MAFG: variants seen among roughly 807,000 people sequenced by gnomAD.
MAFG encodes the protein MAF bZIP transcription factor G, also known as transcription factor MafG.
A neutral mutation model predicts 12.2 loss-of-function variants in MAFG; 3 were observed. That is an observed-to-expected ratio of 0.25 (90% CI 0.11 to 0.64). The LOEUF is 0.64. MAFG is among the 30% of genes least tolerant of loss of function. The probability of loss-of-function intolerance (pLI) is 0.85; values close to 1 mark genes in which losing one functional copy is unlikely to be tolerated. For synonymous variants in MAFG, 126 were observed against 109.1 expected (o/e 1.15, Z -0.96); for missense variants, 153 against 235.5 (o/e 0.65, Z 2.29).
chr17:81,929,031 G>A (rs2040964385), upstream of MAFG, among the ~76,000 whole-genome samples: 1 of 152,198 alleles, frequency 6.6e-6, no homozygotes, highest in South Asian at 2.1e-4. This position sits in a 1 kb window ranked among gnomAD's most constrained non-coding sequence, Gnocchi z 5.7. Context: ...GAGCCACGGT[G>A]CCGTCAGGAG....
chr17:81,923,727 G>A (rs916592307), intron 1 of MAFG, among the ~76,000 whole-genome samples: 2 of 152,052 alleles, frequency 1.3e-5, no homozygotes, highest in South Asian at 2.1e-4. Flanking sequence ...GCAGGTGAGG[G>A]CCAGCCAGTG....
At position 81,922,753 on chromosome 17, in the gene MAFG, A is replaced by G; in HGVS notation, c.341T>C (p.Leu114Pro). The change falls in exon 3 of 3, where the codon CTG becomes CCG. Residue 114 changes from leucine to proline, a missense_variant. This residue lies in a region of MAFG where 81 missense variants were observed against 94.7 expected (regional missense o/e 0.86). Coordinates refer to ENST00000357736, the MANE Select transcript of MAFG (RefSeq NM_002359.4). ...GGCCACCGTCCGGGCGAAGGTCTGC[A>G]GCGCCTCGTACTTGGAGCGCAGCGC... Reference protein sequence around the residue: ...LDALRSKYEALQTFARTVARS... With the variant: ...LDALRSKYEAPQTFARTVARS... 6.3e-7 allele frequency: 1 copy of G among 1,589,614 alleles called. No individual in the cohort carries two copies.
chr17:81,921,750 C>CAT lies in MAFG; in HGVS notation c.*853_*854dup, dbSNP rs2040891771. The CAT allele has an allele frequency of 6.7e-6, 1 of 149,060 alleles. No homozygotes were observed. Among genetic ancestry groups the CAT allele is most frequent in the African/African-American group, 2.5e-5 (1 of 40,286 alleles). The allele number at this position is 149,060 out of a possible 1,614,324, so 9.2% of individuals were successfully genotyped here. ...ATTATACTTTCTTCCCTTTTCCATTCATATGGTCAAATGGTCTTCTTGCTT... is the reference window on the plus strand; with the variant it reads ...ATTATACTTTCTTCCCTTTTCCATTCATATATGGTCAAATGGTCTTCTTGCTT... On this transcript the variant is annotated 3_prime_UTR_variant, in exon 3 of 3. Coordinates refer to ENST00000357736, the MANE Select transcript of MAFG (RefSeq NM_002359.4).
intron 1 of MAFG, chr17:81,923,556 C>T (rs770677818): frequency 1.5e-5 from 3 of 201,786 alleles, no homozygotes; most frequent in Admixed American, 5.7e-5. Flanking sequence ...AGAAGGAAGC[C>T]GGGAGCTTTA....
chr17:81,930,638 T>C (rs2040977706), upstream of MAFG: 1 of 152,052 alleles, frequency 6.6e-6, no homozygotes, highest in Non-Finnish European at 1.5e-5. The surrounding 1 kb of genome is among the most constrained non-coding windows in gnomAD (Gnocchi z 4.1). Flanking sequence ...CACTCCAGCC[T>C]GGGCGACAGA....
At position 81,922,517 on chromosome 17, in the gene MAFG, A is replaced by C; in HGVS notation, c.*88T>G. On this transcript the variant is annotated 3_prime_UTR_variant, in exon 3 of 3. Coordinates refer to ENST00000357736, the MANE Select transcript of MAFG (RefSeq NM_002359.4). The stretch of plus-strand genomic sequence containing the variant: ...AGGGTGGGGAAGAGAGGGAGGAAAG[A>C]GAAGAGAAGGAAACAGAGGGACAGG... 1 of 1,041,536 alleles carries C rather than the reference A, an allele frequency of 9.6e-7. No homozygotes were observed. The highest frequency in any genetic ancestry group is 3.7e-5 in the Admixed American group (1 of 26,738). 64.5% of individuals were successfully genotyped at this position (1,041,536 alleles called of 1,614,324 possible).
Position 81,923,162 on chromosome 17 carries a change from G to A in MAFG, c.24C>T (p.Asn8=), listed in dbSNP as rs1390024566. Residue 8 remains asparagine, a synonymous_variant, in exon 2 of 3, where the codon AAC becomes AAT. Transcript: ENST00000357736. ...CCTGCCCACTCACCTTCAAGGCCTT[G>A]TTTCCTTTATTGGGGGTCGTCATAA... MTTPNKG[N]KALKVKREPG... The A allele has an allele frequency of 1.2e-6, 2 of 1,608,358 alleles. No individual in the cohort carries two copies. Among genetic ancestry groups the A allele is most frequent in the South Asian group, 1.1e-5 (1 of 90,788 alleles).
intron 2 of MAFG, 28 bp from the exon 3 acceptor site, chr17:81,923,085 C>T: frequency 6.2e-7 from 1 of 1,608,830 alleles, no homozygotes; most frequent in Non-Finnish European, 8.5e-7. Context: ...TGGTCACAGG[C>T]CAAGCGGGCA....
intron 1 of MAFG, chr17:81,923,452 G>A (rs1189910386): frequency 2.4e-6 from 1 of 423,960 alleles, no homozygotes; most frequent in Admixed American, 4.0e-5. Flanking sequence ...AAGGTCTGAC[G>A]GGAGAAGGGG....
Position 81,921,192 on chromosome 17 carries a change from G to A in MAFG, c.*1413C>T, listed in dbSNP as rs564540795. ...AGATGTAGCCAAGGCTCAGTGGAGG[G>A]GGGCATGACAGAACCCCATGTCTCA... is the stretch of plus-strand genomic sequence containing the variant. On this transcript the variant is annotated 3_prime_UTR_variant, in exon 3 of 3. Coordinates refer to ENST00000357736, the MANE Select transcript of MAFG (RefSeq NM_002359.4). The A allele has an allele frequency of 6.6e-6, 1 of 152,324 alleles. No homozygotes were observed. The highest frequency in any genetic ancestry group is 2.4e-5 in the African/African-American group (1 of 41,540). The allele number at this position is 152,324 out of a possible 1,614,324, so 9.4% of individuals were successfully genotyped here. A position where few individuals can be genotyped will look rare whatever the true frequency, so the allele number is the denominator to read the frequency against.
At chr17:81,927,496 CCG>C (rs2040951491) in intron 1 of MAFG, 30 bp downstream of exon 1, 2 of 146,776 alleles carry the variant, frequency 1.4e-5, no homozygotes. Context: ...GCCGCCCCCA[CCG>C]CCCGGGCCCG....
At position 81,922,429 on chromosome 17, in the gene MAFG, G is replaced by GTGT; in HGVS notation, c.*175_*176insACA. The GTGT allele has an allele frequency of 1.2e-5, 6 of 495,380 alleles. No homozygotes were observed. Among genetic ancestry groups the GTGT allele is most frequent in the Admixed American group, 7.9e-5 (2 of 25,282 alleles). The allele number at this position is 495,380 out of a possible 1,614,324, so 30.7% of individuals were successfully genotyped here. A position where few individuals can be genotyped will look rare whatever the true frequency, so the allele number is the denominator to read the frequency against. On this transcript the variant is annotated 3_prime_UTR_variant, in exon 3 of 3. Coordinates refer to ENST00000357736, the MANE Select transcript of MAFG (RefSeq NM_002359.4). Reference sequence around the variant, plus strand: ...ATACAAAACACACGACGACAATGACGAGATCAAAGGGGCTCAGCCCGGCGC... The same window carrying GTGT: ...ATACAAAACACACGACGACAATGACGTGTAGATCAAAGGGGCTCAGCCCGGCGC...
chr17:81,928,556 C>T (rs960238612), upstream of MAFG: 1 of 152,240 alleles, frequency 6.6e-6, no homozygotes, highest in African/African-American at 2.4e-5. The surrounding 1 kb of genome is among the most constrained non-coding windows in gnomAD (Gnocchi z 8.1). Flanking sequence ...TCAGAAGCGT[C>T]CCTCCGCCTG....
In MAFG at chr17:81,927,726, G is replaced by A. The variant is rs1311186094; in HGVS notation, c.-228C>T. On this transcript the variant is annotated 5_prime_UTR_variant, in exon 1 of 3. Coordinates refer to ENST00000357736, the MANE Select transcript of MAFG (RefSeq NM_002359.4). ...CCGCCGCCGCCGCCGCCGCTCCACA[G>A]ACGTCACATGATGTTTGGTCACGTG... 1 of 152,652 alleles carries A rather than the reference G, an allele frequency of 6.6e-6. No homozygotes were observed. Among genetic ancestry groups the A allele is most frequent in the African/African-American group, 2.4e-5 (1 of 41,428 alleles). 9.5% of individuals were successfully genotyped at this position (152,652 alleles called of 1,614,324 possible). A position where few individuals can be genotyped will look rare whatever the true frequency, so the allele number is the denominator to read the frequency against.
chr17:81,918,421 G>C lies in MAFG; in HGVS notation c.*4184C>G, dbSNP rs751507583. ...TAGCAATAAATACTGCGCAGGGCAG[G>C]GGTAGGGCACCAAGGCCACTGCCCT... On this transcript the variant is annotated 3_prime_UTR_variant, in exon 3 of 3. Transcript: ENST00000357736. 42 of 225,758 alleles carry C rather than the reference G, an allele frequency of 1.9e-4. No individual in the cohort carries two copies. The highest frequency in any genetic ancestry group is 3.4e-4 in the Non-Finnish European group (39 of 114,754). 14.0% of individuals were successfully genotyped at this position (225,758 alleles called of 1,614,324 possible). A position where few individuals can be genotyped will look rare whatever the true frequency, so the allele number is the denominator to read the frequency against.
Position 81,923,174 on chromosome 17 carries a change from G to A in MAFG, c.12C>T (p.Pro4=). The change falls in exon 2 of 3, where the codon CCC becomes CCT. Residue 4 remains proline, a synonymous_variant. Coordinates refer to ENST00000357736, the MANE Select transcript of MAFG (RefSeq NM_002359.4). MTT[P]NKGNKALKVK... ...CCTTCAAGGCCTTGTTTCCTTTATT[G>A]GGGGTCGTCATAACCCGGGGGCACA... The A allele has an allele frequency of 1.2e-6, 2 of 1,607,700 alleles. No homozygotes were observed. The highest frequency in any genetic ancestry group is 1.7e-6 in the Non-Finnish European group (2 of 1,177,052).
Position 81,921,965 on chromosome 17 carries a change from C to G in MAFG, c.*640G>C, listed in dbSNP as rs961240139. 1 of 152,270 alleles carries G rather than the reference C, an allele frequency of 6.6e-6. No individual in the cohort carries two copies. Among genetic ancestry groups the G allele is most frequent in the Admixed American group, 6.5e-5 (1 of 15,290 alleles). The allele number at this position is 152,270 out of a possible 1,614,324, so 9.4% of individuals were successfully genotyped here. On this transcript the variant is annotated 3_prime_UTR_variant, in exon 3 of 3. Coordinates refer to ENST00000357736, the MANE Select transcript of MAFG (RefSeq NM_002359.4). Reference sequence around the variant, plus strand: ...TCGCAGGGCACACTGGACCCACCCTCACGTTAAGCGCACAACCAGAGATTT... The same window carrying G: ...TCGCAGGGCACACTGGACCCACCCTGACGTTAAGCGCACAACCAGAGATTT...
In MAFG at chr17:81,921,356, A is replaced by T. The variant is rs2040887507; in HGVS notation, c.*1249T>A. On this transcript the variant is annotated 3_prime_UTR_variant, in exon 3 of 3. Transcript: ENST00000357736. ...CTAAACCCAAAAAACGAACACGGGA[A>T]AACAGACACAAGAAGTGACACCCAC... The T allele has an allele frequency of 6.6e-6, 1 of 152,420 alleles. No individual in the cohort carries two copies. Among genetic ancestry groups the T allele is most frequent in the South Asian group, 2.1e-4 (1 of 4,848 alleles). 9.4% of individuals were successfully genotyped at this position (152,420 alleles called of 1,614,324 possible). A position where few individuals can be genotyped will look rare whatever the true frequency, so the allele number is the denominator to read the frequency against.
At position 81,920,213 on chromosome 17, in the gene MAFG, G is replaced by T. The variant is rs956871319; in HGVS notation, c.*2392C>A. On this transcript the variant is annotated 3_prime_UTR_variant, in exon 3 of 3. Transcript: ENST00000357736. ...GGGGGATGAAGTCACTAAATGACAAGAGTCAACAGCCAATATTTCCATTTT... is the reference window on the plus strand; with the variant it reads ...GGGGGATGAAGTCACTAAATGACAATAGTCAACAGCCAATATTTCCATTTT... The T allele has an allele frequency of 1.3e-5, 2 of 152,222 alleles. No homozygotes were observed. Among genetic ancestry groups the T allele is most frequent in the African/African-American group, 4.8e-5 (2 of 41,440 alleles). 9.4% of individuals were successfully genotyped at this position (152,222 alleles called of 1,614,324 possible).
Sources: allele counts gnomAD v4.1 joint callset (sites outside exome capture counted in the v4.1 genomes callset), GRCh38; gene constraint gnomAD v4.1.1; regional missense constraint gnomAD v4.1.1; non-coding constraint Gnocchi (gnomAD v3.1); transcripts MANE v1.5; gene names NCBI Gene and HGNC (gene_info 2026-07-23, HGNC 2026-07-21).